The following XPO1 variants were observed in gnomAD, a reference collection of about 807,000 sequenced individuals.
XPO1 encodes exportin 1, also known as exportin-1.
In XPO1, 5 loss-of-function variants were observed where a neutral mutation model predicts 133.3. The observed-to-expected ratio is 0.04, with a 90% confidence interval of 0.02 to 0.08. The LOEUF is 0.08. Among genes scored for constraint, XPO1 ranks in the 10% least tolerant of loss-of-function variants. XPO1 has a pLI of 1.00. For synonymous variants in XPO1, 419 were observed against 408.2 expected (o/e 1.03, Z -0.32); for missense variants, 506 against 1,267.5 (o/e 0.40, Z 9.12).
rs1489347768 is a variant in XPO1, at chr2:61,525,454, A to G, written c.228+966T>C. 7 of 1,004,908 alleles carry G rather than the reference A, an allele frequency of 7.0e-6. No homozygotes were observed. The South Asian group carries it at 3.3e-4, about 47-fold the overall frequency. 62.2% of individuals were successfully genotyped at this position (1,004,908 alleles called of 1,614,324 possible). A position where few individuals can be genotyped will look rare whatever the true frequency, so the allele number is the denominator to read the frequency against. On this transcript the variant is annotated intron_variant, in intron 3 of 24. Transcript: ENST00000401558. Reference sequence around the variant, plus strand: ...GTCATAGTGCATAAATTTAGCACCAAATCATTTGTAATTTATGTAAATTGA... The same window carrying G: ...GTCATAGTGCATAAATTTAGCACCAGATCATTTGTAATTTATGTAAATTGA...
intron 2 of XPO1, among the ~76,000 whole-genome samples, chr2:61,532,514 A>G (rs1699200774): frequency 6.6e-6 from 1 of 152,078 alleles, no homozygotes; most frequent in African/African-American, 2.4e-5. Context: ...ATCTAACCAG[A>G]AATCTACTGT....
At chr2:61,494,625 C>T (rs916696219) in intron 11 of XPO1, 3 of 152,190 alleles carry the variant, frequency 2.0e-5, no homozygotes, top group Admixed American at 2.0e-4. Flanking sequence ...TAATGGTTGC[C>T]AGAAGTTGGG....
intron 4 of XPO1, among the ~76,000 whole-genome samples, chr2:61,520,672 T>C (rs532914185): frequency 7.2e-5 from 11 of 152,240 alleles, no homozygotes; most frequent in African/African-American, 2.4e-4. Context: ...GAAACAAAAA[T>C]TTTTTAAATT....
intron 23 of XPO1, 121 bp from the exon 24 acceptor site, chr2:61,481,402 G>A (rs1373274293): frequency 1.2e-5 from 6 of 503,964 alleles, no homozygotes; most frequent in Admixed American, 4.3e-5. Flanking sequence ...TCTGCCTCCC[G>A]GGTTCAAGAC....
chr2:61,490,293 G>C (rs1000250662), intron 17 of XPO1, among the ~76,000 whole-genome samples: 1 of 151,558 alleles, frequency 6.6e-6, no homozygotes, highest in Non-Finnish European at 1.5e-5. Flanking sequence ...CTGCCTCTTG[G>C]GTTCAAGTGA....
chr2:61,501,721 CAAAAAAAA>C (rs34659499), intron 6 of XPO1, among the ~76,000 whole-genome samples: 1 of 111,438 alleles, frequency 9.0e-6, no homozygotes, highest in Non-Finnish European at 1.8e-5. Context: ...AGACTGTCTC[CAAAAAAAA>C]AAAAAAAAGA....
chr2:61,515,697 C>T (rs1429468443), intron 4 of XPO1, among the ~76,000 whole-genome samples: 1 of 152,004 alleles, frequency 6.6e-6, no homozygotes, highest in Non-Finnish European at 1.5e-5. Flanking sequence ...AAGGAGAGCA[C>T]TAAATAAAAT....
chr2:61,537,783 A>ACACACACACACC lies in XPO1; in HGVS notation c.-229_-228insGGTGTGTGTGTG, dbSNP rs1236674701. The stretch of plus-strand genomic sequence containing the variant: ...CACACACACACACACACACACACAC[A>ACACACACACACC]CCCGCCCCCCCCCAAAAGGGGAATT... On this transcript the variant is annotated 5_prime_UTR_variant, in exon 1 of 25. Transcript: ENST00000401558. The ACACACACACACC allele has an allele frequency of 2.3e-5, 3 of 130,906 alleles. No homozygotes were observed. The highest frequency in any genetic ancestry group is 4.8e-5 in the Non-Finnish European group (3 of 62,728). The allele number at this position is 130,906 out of a possible 1,614,324, so 8.1% of individuals were successfully genotyped here. A position where few individuals can be genotyped will look rare whatever the true frequency, so the allele number is the denominator to read the frequency against.
At chr2:61,499,637 T>C (rs1169385749) in intron 7 of XPO1, 76 bp downstream of exon 7, 17 of 1,351,452 alleles carry the variant, frequency 1.3e-5, no homozygotes, top group Non-Finnish European at 1.7e-5. Context: ...CCTTAAAATA[T>C]CTACAATTTA....
intron 1 of XPO1, among the ~76,000 whole-genome samples, 182 bp downstream of exon 1, chr2:61,537,380 G>A (rs1332921931): frequency 6.7e-6 from 1 of 150,368 alleles, no homozygotes; most frequent in Non-Finnish European, 1.5e-5. Context: ...CCATCCCCCA[G>A]CGGCAAAAGC....
rs1697037651 is a variant in XPO1 at position 61,492,295 on chromosome 2, A to C, written c.1723+30T>G. On this transcript the variant is annotated intron_variant, in intron 15 of 24. Transcript: ENST00000401558. This position sits in a 1 kb window ranked among gnomAD's most constrained non-coding sequence, Gnocchi z 5.6. ...CATTTATTTTCTTCAATAAAAATAAAAGCAAAATATAGTAAAGAAAGAGAT... is the reference window on the plus strand; with the variant it reads ...CATTTATTTTCTTCAATAAAAATAACAGCAAAATATAGTAAAGAAAGAGAT... The C allele has an allele frequency of 6.3e-7, 1 of 1,581,662 alleles. No individual in the cohort carries two copies. The highest frequency in any genetic ancestry group is 1.4e-5 in the African/African-American group (1 of 72,872).
intron 11 of XPO1, chr2:61,494,617 A>AT (rs1697149489): frequency 6.6e-6 from 1 of 152,412 alleles, no homozygotes; most frequent in African/African-American, 2.4e-5. Flanking sequence ...AACCAAAATA[A>AT]TGGTTGCCAG....
At chr2:61,519,185 G>T (rs1467216253) in intron 4 of XPO1, among the ~76,000 whole-genome samples, 1 of 152,084 alleles carries the variant, frequency 6.6e-6, no homozygotes, top group African/African-American at 2.4e-5. Flanking sequence ...TCCTGACCTC[G>T]TTATCTGCCT....
intron 16 of XPO1, among the ~76,000 whole-genome samples, chr2:61,491,658 C>G (rs1697004082): frequency 6.6e-6 from 1 of 152,110 alleles, no homozygotes; most frequent in African/African-American, 2.4e-5. Context: ...TTTTGGGAGG[C>G]TGAGGCAAGC....
chr2:61,524,269 T>C (rs1034124773), intron 3 of XPO1, among the ~76,000 whole-genome samples: 2 of 152,192 alleles, frequency 1.3e-5, no homozygotes, highest in African/African-American at 4.8e-5. Context: ...TAAATATAGT[T>C]ACAAATAAAA....
chr2:61,501,599 C>T (rs1208584232), intron 6 of XPO1, among the ~76,000 whole-genome samples: 1 of 151,050 alleles, frequency 6.6e-6, no homozygotes, highest in Non-Finnish European at 1.5e-5. Context: ...GGTAAGCACC[C>T]GTAATTCCAG....
chr2:61,480,260 C>T (rs1488953480), intron 24 of XPO1: 2 of 149,792 alleles, frequency 1.3e-5, no homozygotes, highest in Admixed American at 6.7e-5. Context: ...TTATCATTGA[C>T]TTCGTAGCTA....
intron 3 of XPO1, chr2:61,525,480 A>G: frequency 9.9e-7 from 1 of 1,008,474 alleles, no homozygotes. Flanking sequence ...TGTAAATTGA[A>G]GAATTCTTTA....
At chr2:61,533,718 C>T in intron 2 of XPO1, 54 bp downstream of exon 2, 2 of 1,396,046 alleles carry the variant, frequency 1.4e-6, no homozygotes, top group Non-Finnish European at 1.9e-6. Context: ...ATTCTAAACC[C>T]AACAACTCTG....
Sources: gnomAD v4.1 joint callset for allele counts (sites outside exome capture counted in the v4.1 genomes callset) on GRCh38, gnomAD v4.1.1 for gene constraint, Gnocchi (gnomAD v3.1) non-coding constraint, MANE v1.5 for transcripts, NCBI Gene and HGNC (gene_info 2026-07-23, HGNC 2026-07-21) for gene names.